The following FOXN2 variants were observed in gnomAD, a reference collection of about 807,000 sequenced individuals.
FOXN2 encodes the protein forkhead box N2, also known as forkhead box protein N2.
Under a neutral mutation model 41.2 loss-of-function variants are expected in FOXN2, and 19 were observed. The observed-to-expected ratio is 0.46, with a 90% CI of 0.32 to 0.68. The LOEUF is 0.68. Ranked by LOEUF, FOXN2 falls within the 30% of genes least tolerant of loss-of-function variation. FOXN2 has a pLI of 0.03. For synonymous variants in FOXN2, 195 were observed against 176.8 expected (o/e 1.10, Z -0.82); for missense variants, 587 against 509.4 (o/e 1.15, Z -1.47).
chr2:48,343,061 A>C (rs2104348493), intron 2 of FOXN2, among the ~76,000 whole-genome samples: 1 of 152,338 alleles, frequency 6.6e-6, no homozygotes, highest in South Asian at 2.1e-4. Context: ...ACGTTAATAA[A>C]ACTCACTATT....
chr2:48,358,527 A>G (rs150305245), intron 3 of FOXN2, among the ~76,000 whole-genome samples: 56 of 152,324 alleles, frequency 3.7e-4, no homozygotes, highest in African/African-American at 1.3e-3. Flanking sequence ...CCATTCTGCT[A>G]TAAAAATTAT....
chr2:48,364,979 A>G (rs1672440175), intron 5 of FOXN2, among the ~76,000 whole-genome samples: 1 of 152,226 alleles, frequency 6.6e-6, no homozygotes, highest in Admixed American at 6.5e-5. Context: ...TTAAAAGATA[A>G]TAAGTTGACT....
chr2:48,319,222 C>A (rs1275853219), intron 1 of FOXN2, among the ~76,000 whole-genome samples: 1 of 150,676 alleles, frequency 6.6e-6, no homozygotes. Flanking sequence ...ATAACAGGGA[C>A]CCTGGTCTCT....
rs568657376 is a variant in FOXN2 at position 48,373,792 on chromosome 2, G to A, written c.772+432G>A. ...ATTCTGGTCAGGCATGGTGGCTCAC[G>A]TCTGTAATCCTAGCACTTTTGGGAG... On this transcript the variant is annotated intron_variant, in intron 6 of 6. Transcript: ENST00000340553. Among the ~76,000 whole-genome samples, 14 of 152,152 alleles carry A rather than the reference G, an allele frequency of 9.2e-5. No homozygotes were observed. The East Asian group carries it at 1.5e-3, about 17-fold the overall frequency.
rs778248160 is a variant in FOXN2 at position 48,374,904 on chromosome 2, C to G, written c.773-16C>G. ...AAACACATTTGACCTATTGATGGAA[C>G]TTTTATTTTCCACAGGTGAGAAGCC... On this transcript the variant is annotated splice_polypyrimidine_tract_variant and intron_variant, in intron 6 of 6. Transcript: ENST00000340553. 13 of 1,579,952 alleles carry G rather than the reference C, an allele frequency of 8.2e-6. No homozygotes were observed. The Admixed American group carries it at 2.2e-4, about 26-fold the overall frequency.
chr2:48,358,714 T>C (rs996333561), intron 3 of FOXN2, among the ~76,000 whole-genome samples: 2 of 152,204 alleles, frequency 1.3e-5, no homozygotes, highest in African/African-American at 4.8e-5. Flanking sequence ...GGGAAACAAG[T>C]AAATTTTGTT....
intron 4 of FOXN2, among the ~76,000 whole-genome samples, chr2:48,360,182 G>A (rs1259566968): frequency 6.6e-6 from 1 of 151,868 alleles, no homozygotes; most frequent in East Asian, 1.9e-4. Flanking sequence ...TCTTAAATCT[G>A]ATTTTTGTTT....
chr2:48,368,131 C>A (rs1672647928), intron 5 of FOXN2, among the ~76,000 whole-genome samples: 2 of 152,164 alleles, frequency 1.3e-5, no homozygotes, highest in African/African-American at 4.8e-5. Flanking sequence ...TGTGAGCCAC[C>A]ACGCTTAGCC....
intron 3 of FOXN2, among the ~76,000 whole-genome samples, chr2:48,355,150 A>T (rs926835038): frequency 2.6e-5 from 4 of 152,220 alleles, no homozygotes; most frequent in Non-Finnish European, 5.9e-5. Context: ...TTACAAAACC[A>T]TATGTCCAAT....
chr2:48,346,556 A>T lies in FOXN2; in HGVS notation c.342A>T (p.Pro114=). The change falls in exon 3 of 7, where the codon CCA becomes CCT. Residue 114 remains proline (P), a synonymous_variant. Transcript: ENST00000340553. Reference sequence around the variant, plus strand: ...AAAAATCAGCGACTTCAAAGCCCCCATACTCCTTTAGTCTTCTCATTTATA... The same window carrying T: ...AAAAATCAGCGACTTCAAAGCCCCCTTACTCCTTTAGTCTTCTCATTTATA... ...PEKKSATSKP[P]YSFSLLIYMA... The T allele has an allele frequency of 4.3e-6, 7 of 1,613,800 alleles. No homozygotes were observed. Among genetic ancestry groups the T allele is most frequent in the Middle Eastern group, 1.7e-4 (1 of 6,058 alleles).
intron 1 of FOXN2, 77 bp from the exon 2 acceptor site, chr2:48,328,484 A>G (rs932738528): frequency 1.3e-5 from 2 of 152,194 alleles, no homozygotes; most frequent in African/African-American, 4.8e-5. Context: ...GGGAATAACG[A>G]CAAGAAAAAA....
At chr2:48,360,990 G>T (rs1672135660) in intron 4 of FOXN2, among the ~76,000 whole-genome samples, 2 of 149,468 alleles carry the variant, frequency 1.3e-5, no homozygotes, top group African/African-American at 2.5e-5. Flanking sequence ...CTCCAGCCTG[G>T]GTGACAGACT....
chr2:48,366,105 C>T (rs1442104139), intron 5 of FOXN2, among the ~76,000 whole-genome samples: 1 of 152,048 alleles, frequency 6.6e-6, no homozygotes, highest in African/African-American at 2.4e-5. Flanking sequence ...GCCTATAATC[C>T]CAGCACTTTG....
At position 48,373,293 on chromosome 2, in the gene FOXN2, A is replaced by T; in HGVS notation, c.705A>T (p.Glu235Asp). The change falls in exon 6 of 7, where the codon GAA becomes GAT. Residue 235 changes from glutamate to aspartate, a missense_variant and splice_region_variant. Glu to Asp is a conservative substitution (Grantham distance 45). Coordinates refer to ENST00000340553, the MANE Select transcript of FOXN2 (RefSeq NM_002158.4). ...TATTATTACTTTTTCCCTTTTCAGA[A>T]TCTGATATTGATGCTGCTGCTGCAA... ...IKQNQVRNLK[E>D]SDIDAAAAMM... 6.3e-7 allele frequency: 1 copy of T among 1,587,684 alleles called. No individual in the cohort carries two copies. Among genetic ancestry groups the T allele is most frequent in the Non-Finnish European group, 8.6e-7 (1 of 1,163,740 alleles).
Position 48,328,223 on chromosome 2 carries a change from TAA to T in FOXN2, c.-156-337_-156-336del, listed in dbSNP as rs1669808209. Among the ~76,000 whole-genome samples, 2 of 152,250 alleles carry T rather than the reference TAA, an allele frequency of 1.3e-5. 1 individual carries two copies. Among genetic ancestry groups the T allele is most frequent in the Non-Finnish European group, 2.9e-5 (2 of 68,048 alleles). The stretch of plus-strand genomic sequence containing the variant: ...GCTCTGTTGACTTTTTAAGTTTCTA[TAA>T]CTTTGTTCCTTTCAGTGTTGTTTTT... On this transcript the variant is annotated intron_variant, in intron 1 of 6. Coordinates refer to ENST00000340553, the MANE Select transcript of FOXN2 (RefSeq NM_002158.4).
At chr2:48,322,287 T>C (rs928093272) in intron 1 of FOXN2, among the ~76,000 whole-genome samples, 5 of 152,126 alleles carry the variant, frequency 3.3e-5, no homozygotes, top group Non-Finnish European at 5.9e-5. Flanking sequence ...TTTATTTTCC[T>C]AAATTCTTTT....
intron 1 of FOXN2, among the ~76,000 whole-genome samples, chr2:48,320,372 C>T (rs983262530): frequency 6.6e-6 from 1 of 151,760 alleles, no homozygotes; most frequent in Non-Finnish European, 1.5e-5. Context: ...CTTACTGCAA[C>T]CTCTGTCTCC....
chr2:48,320,082 G>A (rs1336240655), intron 1 of FOXN2, among the ~76,000 whole-genome samples: 1 of 152,002 alleles, frequency 6.6e-6, no homozygotes, highest in African/African-American at 2.4e-5. Context: ...CAGAAAAAAA[G>A]GGGAAGAGGT....
intron 1 of FOXN2, among the ~76,000 whole-genome samples, chr2:48,320,071 A>C (rs1342509830): frequency 6.6e-6 from 1 of 152,100 alleles, no homozygotes; most frequent in Non-Finnish European, 1.5e-5. Context: ...AAGAGGAAAT[A>C]CAGAAAAAAA....
Sources: allele counts gnomAD v4.1 joint callset (sites outside exome capture counted in the v4.1 genomes callset), GRCh38; gene constraint gnomAD v4.1.1; transcripts MANE v1.5; gene names NCBI Gene and HGNC (gene_info 2026-07-23, HGNC 2026-07-21).